MAP4: variants seen among roughly 807,000 people sequenced by gnomAD.
The protein encoded by MAP4 is microtubule associated protein 4, also known as microtubule-associated protein 4.
In MAP4, 76 loss-of-function variants were observed where a neutral mutation model predicts 170.2. That is an observed-to-expected ratio of 0.45 (90% CI 0.37 to 0.54). MAP4 has a LOEUF of 0.54. Among genes scored for constraint, MAP4 ranks in the 20% least tolerant of loss-of-function variants. The pLI is 0.00. For missense variants in MAP4, 2,506 were observed against 2,748.0 expected (o/e 0.91, Z 1.97); for synonymous variants, 909 against 994.5 (o/e 0.91, Z 1.62).
intron 10 of MAP4, among the ~76,000 whole-genome samples, chr3:47,899,628 T>C (rs1423074420): frequency 6.6e-6 from 1 of 152,242 alleles, no homozygotes; most frequent in Non-Finnish European, 1.5e-5. Flanking sequence ...ATTTGTGCCA[T>C]GTGGGTGCAC....
chr3:47,937,678 T>TTTG, intron 3 of MAP4, among the ~76,000 whole-genome samples: 1 of 109,232 alleles, frequency 9.2e-6, no homozygotes, highest in Non-Finnish European at 1.9e-5. Context: ...TTTTTTTTTT[T>TTTG]GAGACGAAGT....
chr3:47,951,050 G>T (rs2100063401), intron 3 of MAP4, among the ~76,000 whole-genome samples: 1 of 152,096 alleles, frequency 6.6e-6, no homozygotes, highest in African/African-American at 2.4e-5. Context: ...CACATTAATT[G>T]TAACTAGATT....
At chr3:47,965,489 A>T (rs1301988043) in intron 3 of MAP4, among the ~76,000 whole-genome samples, 1 of 152,184 alleles carries the variant, frequency 6.6e-6, no homozygotes, top group Non-Finnish European at 1.5e-5. Context: ...TATTTTCCAT[A>T]GCACTTTCAT....
intron 16 of MAP4, among the ~76,000 whole-genome samples, chr3:47,869,010 G>A (rs976817686): frequency 6.6e-6 from 1 of 152,104 alleles, no homozygotes; most frequent in African/African-American, 2.4e-5. Context: ...AGGGCTAATG[G>A]GCTCCCAACT....
intron 1 of MAP4, among the ~76,000 whole-genome samples, chr3:47,999,583 G>A (rs940945141): frequency 3.3e-5 from 5 of 152,104 alleles, no homozygotes; most frequent in African/African-American, 4.8e-5. Flanking sequence ...GATATTATCC[G>A]CAGCAAACTG....
chr3:48,073,826 G>A (rs1258681721), intron 1 of MAP4, among the ~76,000 whole-genome samples: 1 of 152,136 alleles, frequency 6.6e-6, no homozygotes, highest in Non-Finnish European at 1.5e-5. Flanking sequence ...GAGAGGATGT[G>A]GAGAAATAGG....
At chr3:48,080,862 C>T (rs893678128) in intron 1 of MAP4, among the ~76,000 whole-genome samples, 4 of 151,896 alleles carry the variant, frequency 2.6e-5, no homozygotes, top group Admixed American at 6.6e-5. Context: ...CCCTGGCTCA[C>T]GCCTGTAATC....
intron 4 of MAP4, among the ~76,000 whole-genome samples, chr3:47,922,582 A>G (rs1423497743): frequency 3.9e-5 from 6 of 152,124 alleles, no homozygotes; most frequent in Non-Finnish European, 7.3e-5. Flanking sequence ...AAAAACCAAC[A>G]AGTAATTTTT....
intron 1 of MAP4, among the ~76,000 whole-genome samples, chr3:48,000,480 C>T (rs1332703208): frequency 1.3e-5 from 2 of 152,112 alleles, no homozygotes; most frequent in African/African-American, 4.8e-5. Flanking sequence ...TCTATTCTTC[C>T]TATCTCCCCT....
chr3:47,875,843 T>C lies in MAP4; in HGVS notation c.5599A>G (p.Thr1867Ala), dbSNP rs773654211. The change falls in exon 12 of 21, where the codon ACT (threonine) becomes GCT (alanine). Residue 1867 changes from threonine (T) to alanine (A), a missense_variant. Thr to Ala is a moderately conservative substitution (Grantham distance 58). Around this residue, in one of 3 missense-constraint regions of MAP4, gnomAD observed 2,008 missense variants for 2,206.0 expected, o/e 0.91. Coordinates refer to ENST00000683076, the MANE Select transcript of MAP4 (RefSeq NM_001385682.1). ...TSTSKAKTQPTSLPKQPAPTT... is the reference protein window; with the variant it reads ...TSTSKAKTQPASLPKQPAPTT... ...GGAGCTGGCTGCTTAGGGAGAGAAG[T>C]GGGCTGTGTTTTGGCTTTCGATGTT... is the stretch of plus-strand genomic sequence containing the variant. The C allele has an allele frequency of 6.8e-6, 11 of 1,613,804 alleles. No individual in the cohort carries two copies. Among genetic ancestry groups the C allele is most frequent in the Non-Finnish European group, 7.6e-6 (9 of 1,179,966 alleles).
At chr3:48,042,693 G>C (rs538118017) in intron 1 of MAP4, among the ~76,000 whole-genome samples, 138 of 152,232 alleles carry the variant, frequency 9.1e-4, no homozygotes, top group African/African-American at 3.3e-3. Flanking sequence ...CCTTGAAAAA[G>C]TCTGGGAGCT....
intron 19 of MAP4, among the ~76,000 whole-genome samples, chr3:47,854,489 GC>G (rs2050873303): frequency 6.6e-6 from 1 of 152,194 alleles, no homozygotes; most frequent in Non-Finnish European, 1.5e-5. Flanking sequence ...TCTCCCCTGC[GC>G]ACCTGAACCC....
intron 6 of MAP4, among the ~76,000 whole-genome samples, chr3:47,917,534 C>T (rs1388457972): frequency 6.8e-6 from 1 of 147,816 alleles, no homozygotes; most frequent in Non-Finnish European, 1.5e-5. Context: ...TGCAATGAAC[C>T]GAGATCACGG....
At chr3:47,932,779 G>A (rs147242609) in intron 3 of MAP4, among the ~76,000 whole-genome samples, 5 of 152,248 alleles carry the variant, frequency 3.3e-5, no homozygotes, top group Non-Finnish European at 7.4e-5. Context: ...CGGGTGCAGC[G>A]GCTGTTCACA....
At chr3:47,880,545 C>T (rs1483167104) in intron 10 of MAP4, among the ~76,000 whole-genome samples, 1 of 148,756 alleles carries the variant, frequency 6.7e-6, no homozygotes, top group East Asian at 2.0e-4. Context: ...AGCTCACTGC[C>T]ACCTGGAACT....
intron 15 of MAP4, among the ~76,000 whole-genome samples, chr3:47,870,359 G>A (rs1288296016): frequency 6.6e-6 from 1 of 152,104 alleles, no homozygotes; most frequent in Admixed American, 6.6e-5. Context: ...GGACACCCTA[G>A]TCCTCTTTCA....
intron 1 of MAP4, among the ~76,000 whole-genome samples, chr3:48,038,382 AT>A (rs1462249527): frequency 6.6e-6 from 1 of 151,768 alleles, no homozygotes; most frequent in East Asian, 1.9e-4. Context: ...TATGATCCAT[AT>A]TCACATACAC....
chr3:47,944,683 T>C (rs1215718725), intron 3 of MAP4, among the ~76,000 whole-genome samples: 1 of 152,000 alleles, frequency 6.6e-6, no homozygotes, highest in Non-Finnish European at 1.5e-5. Flanking sequence ...TTTTCATTCC[T>C]TCTCTCCTCA....
At chr3:48,008,590 G>A (rs2100103663) in intron 1 of MAP4, among the ~76,000 whole-genome samples, 1 of 152,182 alleles carries the variant, frequency 6.6e-6, no homozygotes, top group Admixed American at 6.5e-5. Flanking sequence ...GACAAATTTG[G>A]GGAAGAGGTA....
Sources: allele counts gnomAD v4.1 joint callset (sites outside exome capture counted in the v4.1 genomes callset), GRCh38; gene constraint gnomAD v4.1.1; regional missense constraint gnomAD v4.1.1; transcripts MANE v1.5; gene names NCBI Gene and HGNC (gene_info 2026-07-23, HGNC 2026-07-21).